The following ST7 variants were observed in gnomAD, a reference collection of about 807,000 sequenced individuals.
The protein encoded by ST7 is suppression of tumorigenicity 7.
ST7 carries 28 observed loss-of-function variants against 78.7 expected under a neutral mutation model. That is an observed-to-expected ratio of 0.36 (90% CI 0.26 to 0.49). The LOEUF (loss-of-function observed/expected upper bound fraction) is 0.49, where lower values mean the gene tolerates loss of function less well. Among genes scored for constraint, ST7 ranks in the 20% least tolerant of loss-of-function variants. The probability of loss-of-function intolerance (pLI) is 0.99; values close to 1 mark genes in which losing one functional copy is unlikely to be tolerated. For synonymous variants in ST7, 247 were observed against 249.6 expected (o/e 0.99, Z 0.10); for missense variants, 418 against 696.0 (o/e 0.60, Z 4.49).
At chr7:116,994,365 A>C (rs1438742230) in intron 1 of ST7, among the ~76,000 whole-genome samples, 1 of 152,256 alleles carries the variant, frequency 6.6e-6, no homozygotes, top group Non-Finnish European at 1.5e-5. Flanking sequence ...TTGATTAATA[A>C]ATAAAAAATA....
rs1180896035 is a variant in ST7, at chr7:117,055,000, A to G, written c.152-44762A>G. On this transcript the variant is annotated intron_variant, in intron 1 of 15. Coordinates refer to ENST00000323984, the MANE Select transcript of ST7 (RefSeq NM_001369598.1). ...AGTTAACATTTTTCCTCCACTTCTT[A>G]TTAAATACATGGCCTTGGACAATTT... is the stretch of plus-strand genomic sequence containing the variant. Among the ~76,000 whole-genome samples, 6 of 152,182 alleles carry G rather than the reference A, an allele frequency of 3.9e-5. No homozygotes were observed. The East Asian group carries it at 9.6e-4, about 24-fold the overall frequency.
At chr7:117,195,897 A>C (rs1454397204) in intron 12 of ST7, among the ~76,000 whole-genome samples, 1 of 152,166 alleles carries the variant, frequency 6.6e-6, no homozygotes. Flanking sequence ...CTCTATTCTT[A>C]TTGAACAGCA....
At chr7:117,191,919 T>C (rs1233825402) in intron 12 of ST7, among the ~76,000 whole-genome samples, 1 of 151,866 alleles carries the variant, frequency 6.6e-6, no homozygotes, top group Non-Finnish European at 1.5e-5. Flanking sequence ...GTTAACTACT[T>C]TATTTTGTTG....
intron 12 of ST7, among the ~76,000 whole-genome samples, chr7:117,194,257 G>T (rs781575880): frequency 1.3e-5 from 2 of 152,158 alleles, no homozygotes; most frequent in Admixed American, 1.3e-4. Context: ...ATAGGAAAAG[G>T]CATAAACTCC....
At chr7:117,133,419 T>C (rs1411253360) in intron 6 of ST7, among the ~76,000 whole-genome samples, 1 of 151,964 alleles carries the variant, frequency 6.6e-6, no homozygotes, top group Non-Finnish European at 1.5e-5. Context: ...TTTTAGAGTT[T>C]AATTTCTTCT....
chr7:117,159,635 G>C lies in ST7; in HGVS notation c.964-11227G>C, dbSNP rs140771367. 1.8e-4 allele frequency among the ~76,000 whole-genome samples: 28 copies of C among 152,290 alleles called. No individual in the cohort carries two copies. In the East Asian group the frequency reaches 4.2e-3, roughly 23 times the overall value. ...TGGGGACTGTGGTCTTTTTGTAATA[G>C]AAAGGCTAATTATGTTACCAAGTAT... On this transcript the variant is annotated intron_variant, in intron 9 of 15. Coordinates refer to ENST00000323984, the MANE Select transcript of ST7 (RefSeq NM_001369598.1).
chr7:116,974,831 G>C (rs1208376652), intron 1 of ST7, among the ~76,000 whole-genome samples: 1 of 152,142 alleles, frequency 6.6e-6, no homozygotes, highest in African/African-American at 2.4e-5. Context: ...CCAGGACTAA[G>C]GTGAGGCAAG....
At chr7:117,089,105 C>G (rs1302863299) in intron 1 of ST7, among the ~76,000 whole-genome samples, 1 of 152,226 alleles carries the variant, frequency 6.6e-6, no homozygotes, top group Non-Finnish European at 1.5e-5. Flanking sequence ...TTTATGCACA[C>G]TCTGTCACTC....
intron 1 of ST7, among the ~76,000 whole-genome samples, chr7:116,991,082 G>C (rs1001825980): frequency 1.3e-5 from 2 of 152,168 alleles, no homozygotes; most frequent in Admixed American, 1.3e-4. Flanking sequence ...GCATTGGTTT[G>C]CATAGTACTC....
intron 1 of ST7, among the ~76,000 whole-genome samples, chr7:117,031,041 A>G (rs1428428948): frequency 2.6e-5 from 4 of 152,184 alleles, no homozygotes; most frequent in Admixed American, 2.0e-4. Flanking sequence ...TTTCAGGAAC[A>G]TGGATGGAAC....
intron 1 of ST7, among the ~76,000 whole-genome samples, chr7:117,060,895 A>G (rs1350308560): frequency 6.6e-6 from 1 of 152,166 alleles, no homozygotes; most frequent in Non-Finnish European, 1.5e-5. Context: ...AATCCCAGCT[A>G]TTCAGGTTGT....
At chr7:117,168,220 C>G (rs551719349) in intron 9 of ST7, among the ~76,000 whole-genome samples, 185 of 152,258 alleles carry the variant, frequency 1.2e-3, no homozygotes, top group Middle Eastern at 0.01. Context: ...TCTTTAAGCT[C>G]CTAGCATCTT....
chr7:117,062,701 G>A (rs2116452710), intron 1 of ST7, among the ~76,000 whole-genome samples: 1 of 152,228 alleles, frequency 6.6e-6, no homozygotes, highest in South Asian at 2.1e-4. Flanking sequence ...AGTTTATCAT[G>A]GGTAAGTTAA....
chr7:117,211,216 T>C (rs181742779), intron 13 of ST7, among the ~76,000 whole-genome samples: 1 of 152,324 alleles, frequency 6.6e-6, no homozygotes, highest in Admixed American at 6.5e-5. Context: ...TAGATTACTA[T>C]TTATAACTTG....
At chr7:117,078,798 T>C (rs1799543445) in intron 1 of ST7, among the ~76,000 whole-genome samples, 1 of 152,242 alleles carries the variant, frequency 6.6e-6, no homozygotes. Flanking sequence ...AATTCTCTTT[T>C]AGTGTTTCAT....
chr7:117,203,713 A>C (rs184428134), intron 12 of ST7, among the ~76,000 whole-genome samples: 618 of 152,194 alleles, frequency 4.1e-3, no homozygotes, highest in South Asian at 0.013. Context: ...TTCTCCATAC[A>C]TTCTCTTTTT....
intron 10 of ST7, among the ~76,000 whole-genome samples, chr7:117,182,446 G>C (rs115137230): frequency 6.6e-6 from 1 of 152,154 alleles, no homozygotes; most frequent in Non-Finnish European, 1.5e-5. Flanking sequence ...AAACTATTAA[G>C]ATTTAATGGC....
rs1792932603 is a variant in ST7, at chr7:117,219,533, C to T, written c.1498+357C>T. Among the ~76,000 whole-genome samples, 1 of 152,192 alleles carries T rather than the reference C, an allele frequency of 6.6e-6. No individual in the cohort carries two copies. The highest frequency in any genetic ancestry group is 2.4e-5 in the African/African-American group (1 of 41,438). Reference sequence around the variant, plus strand: ...TCTTCAGCTGGACAGATGTGGTCTGCACCGACCGGAGTTTGAAGAGGAGCT... The same window carrying T: ...TCTTCAGCTGGACAGATGTGGTCTGTACCGACCGGAGTTTGAAGAGGAGCT... On this transcript the variant is annotated intron_variant, in intron 14 of 15. Coordinates refer to ENST00000323984, the MANE Select transcript of ST7 (RefSeq NM_001369598.1). The surrounding 1 kb of genome is among the most constrained non-coding windows in gnomAD (Gnocchi z 5.1).
In ST7 at chr7:117,131,948, T is replaced by C; in HGVS notation, c.629T>C (p.Leu210Ser). The C allele has an allele frequency of 6.2e-7, 1 of 1,611,152 alleles. No individual in the cohort carries two copies. The highest frequency in any genetic ancestry group is 8.5e-7 in the Non-Finnish European group (1 of 1,178,032). ...QARISAAHEA[L>S]EINEIRSRVE... The stretch of plus-strand genomic sequence containing the variant: ...AGGATTTCTGCAGCTCATGAAGCCT[T>C]GGAGATAAATGAGTAAGTGGGGGAA... Residue 210 changes from leucine (L) to serine (S), a missense_variant, in exon 6 of 16, where the codon TTG (leucine) becomes TCG (serine). Coordinates refer to ENST00000323984, the MANE Select transcript of ST7 (RefSeq NM_001369598.1).
Sources: allele counts gnomAD v4.1 joint callset (sites outside exome capture counted in the v4.1 genomes callset), GRCh38; gene constraint gnomAD v4.1.1; non-coding constraint Gnocchi (gnomAD v3.1); transcripts MANE v1.5; gene names NCBI Gene and HGNC (gene_info 2026-07-23, HGNC 2026-07-21).